The following SDK1 variants were observed in gnomAD, a reference collection of about 807,000 sequenced individuals.
SDK1 encodes the protein protein sidekick-1.
In SDK1, 157 loss-of-function variants were observed where a neutral mutation model predicts 245.5. That is an observed-to-expected ratio of 0.64 (90% CI 0.56 to 0.73). The LOEUF is 0.73. Among genes scored for constraint, SDK1 ranks in the 30% least tolerant of loss-of-function variants. The pLI, the probability that SDK1 is intolerant of heterozygous loss-of-function variation, is 0.00. For synonymous variants in SDK1, 1,647 were observed against 1,278.5 expected (o/e 1.29, Z -6.15); for missense variants, 3,583 against 3,002.3 (o/e 1.19, Z -4.52).
chr7:3,675,711 T>C (rs945649457), intron 4 of SDK1, among the ~76,000 whole-genome samples: 1 of 152,170 alleles, frequency 6.6e-6, no homozygotes, highest in Admixed American at 6.6e-5. Context: ...GGCATTTTTG[T>C]AGAAACTGAG....
At chr7:3,336,476 C>T (rs1170193711) in intron 1 of SDK1, among the ~76,000 whole-genome samples, 1 of 152,134 alleles carries the variant, frequency 6.6e-6, no homozygotes, top group Non-Finnish European at 1.5e-5. Context: ...GTGGTGCTAG[C>T]AGGGGGCTAA....
intron 5 of SDK1, among the ~76,000 whole-genome samples, chr7:3,858,098 C>A (rs1230322169): frequency 6.6e-6 from 1 of 152,032 alleles, no homozygotes; most frequent in African/African-American, 2.4e-5. Context: ...ATGGTTTAAA[C>A]CATAGTATAT....
At chr7:3,397,010 A>C (rs1030146437) in intron 1 of SDK1, among the ~76,000 whole-genome samples, 1 of 151,742 alleles carries the variant, frequency 6.6e-6, no homozygotes, top group African/African-American at 2.4e-5. Context: ...TTCTTTTAGT[A>C]TATATTTTGA....
intron 22 of SDK1, among the ~76,000 whole-genome samples, chr7:4,083,770 C>T (rs1296563064): frequency 4.0e-5 from 3 of 74,718 alleles, no homozygotes; most frequent in African/African-American, 1.1e-4. Flanking sequence ...TCCCTCCCTC[C>T]CTTCTTTCCT....
rs1426322395 is a variant in SDK1, at chr7:3,301,715, C to A, written c.129C>A (p.Arg43=). The A allele has an allele frequency of 2.0e-6, 2 of 976,596 alleles. No homozygotes were observed. The highest frequency in any genetic ancestry group is 2.4e-6 in the Non-Finnish European group (2 of 825,698). The allele number at this position is 976,596 out of a possible 1,614,324, so 60.5% of individuals were successfully genotyped here. A position where few individuals can be genotyped will look rare whatever the true frequency, so the allele number is the denominator to read the frequency against. ...PGRARPSLAP[R]PGPEPSRPRA... The stretch of plus-strand genomic sequence containing the variant: ...GCGCCCGCCCCTCGCTGGCGCCGCG[C>A]CCCGGCCCGGAGCCCTCGCGACCCC... Residue 43 remains arginine, a synonymous_variant, in exon 1 of 45, where the codon CGC becomes CGA. Transcript: ENST00000404826.
chr7:4,266,014 A>G lies in SDK1; in HGVS notation c.*630A>G, dbSNP rs1788447766. ...AGGCAGGGATGCTAAGGTGTGGCTC[A>G]GCCGTCACTGTCTGTGTCACTGCAG... On this transcript the variant is annotated 3_prime_UTR_variant, in exon 45 of 45. Coordinates refer to ENST00000404826, the MANE Select transcript of SDK1 (RefSeq NM_152744.4). 6.1e-6 allele frequency: 6 copies of G among 985,530 alleles called. No individual in the cohort carries two copies. The highest frequency in any genetic ancestry group is 1.1e-4 in the East Asian group (1 of 8,824). The allele number at this position is 985,530 out of a possible 1,614,324, so 61.0% of individuals were successfully genotyped here. A position where few individuals can be genotyped will look rare whatever the true frequency, so the allele number is the denominator to read the frequency against.
chr7:3,801,684 C>T (rs888080619), intron 4 of SDK1, among the ~76,000 whole-genome samples: 1 of 152,172 alleles, frequency 6.6e-6, no homozygotes, highest in African/African-American at 2.4e-5. Context: ...TGTGGCTGCT[C>T]CCAGCTTGCA....
chr7:3,573,362 G>C (rs915094410), intron 1 of SDK1, among the ~76,000 whole-genome samples: 2 of 152,036 alleles, frequency 1.3e-5, no homozygotes, highest in Non-Finnish European at 2.9e-5. Context: ...AGAGCCTCAG[G>C]GGGCTGAGCA....
At chr7:3,633,800 T>C (rs936576261) in intron 2 of SDK1, among the ~76,000 whole-genome samples, 4 of 152,084 alleles carry the variant, frequency 2.6e-5, no homozygotes, top group Admixed American at 2.6e-4. Context: ...TGGATGGATA[T>C]TGGGGTGCCC....
At chr7:3,980,880 G>T (rs1189856291) in intron 13 of SDK1, among the ~76,000 whole-genome samples, 1 of 151,840 alleles carries the variant, frequency 6.6e-6, no homozygotes. Context: ...GGCGGAGGTT[G>T]CAGTGAGCCG....
At chr7:3,706,621 T>C (rs1198621146) in intron 4 of SDK1, among the ~76,000 whole-genome samples, 5 of 152,080 alleles carry the variant, frequency 3.3e-5, no homozygotes, top group East Asian at 1.9e-4. Context: ...CCAGGATGGT[T>C]GCGATCTCCT....
intron 44 of SDK1, among the ~76,000 whole-genome samples, chr7:4,261,124 C>T (rs577834800): frequency 3.9e-5 from 6 of 152,284 alleles, no homozygotes; most frequent in Admixed American, 2.0e-4. Flanking sequence ...CTCCCTGCTA[C>T]GCCTCCATGG....
At chr7:3,326,379 A>C (rs551731428) in intron 1 of SDK1, among the ~76,000 whole-genome samples, 9 of 152,286 alleles carry the variant, frequency 5.9e-5, no homozygotes, top group African/African-American at 2.2e-4. Context: ...TATTATTTTC[A>C]ATGGATGTAT....
chr7:3,825,577 T>A (rs1156394411), intron 5 of SDK1, among the ~76,000 whole-genome samples: 3 of 152,228 alleles, frequency 2.0e-5, no homozygotes. Flanking sequence ...GCAGATAGGA[T>A]ATCATTTCAG....
chr7:3,435,806 C>T (rs1039918543), intron 1 of SDK1, among the ~76,000 whole-genome samples: 3 of 152,130 alleles, frequency 2.0e-5, no homozygotes, highest in Non-Finnish European at 2.9e-5. Flanking sequence ...TCTCTACGTC[C>T]CTCATGCTTT....
chr7:3,444,015 A>T lies in SDK1; in HGVS notation c.298+142131A>T, dbSNP rs944709000. The stretch of plus-strand genomic sequence containing the variant: ...CGGAAGCCTGAGAAGAAGCAAAAGG[A>T]TTCAAGAGAGGCGGTTGTGCAGCCT... On this transcript the variant is annotated intron_variant, in intron 1 of 44. Transcript: ENST00000404826. 2.9e-4 allele frequency among the ~76,000 whole-genome samples: 44 copies of T among 152,226 alleles called. 1 individual carries two copies. The highest frequency in any genetic ancestry group is 2.6e-3 in the Admixed American group (39 of 15,284).
intron 5 of SDK1, among the ~76,000 whole-genome samples, chr7:3,890,296 C>G (rs144156272): frequency 1.6e-4 from 25 of 152,310 alleles, no homozygotes; most frequent in African/African-American, 5.8e-4. Flanking sequence ...GTGGTACAAT[C>G]CAAATTGATA....
At chr7:3,409,152 TCTG>T (rs1023856891) in intron 1 of SDK1, among the ~76,000 whole-genome samples, 3 of 152,232 alleles carry the variant, frequency 2.0e-5, no homozygotes, top group Admixed American at 2.0e-4. Context: ...AACTGACACT[TCTG>T]CTTCAGATTA....
At chr7:3,376,530 G>T (rs1781360278) in intron 1 of SDK1, among the ~76,000 whole-genome samples, 1 of 152,132 alleles carries the variant, frequency 6.6e-6, no homozygotes, top group African/African-American at 2.4e-5. Context: ...ACAGATATTA[G>T]CCAAGAAATA....
Sources: gnomAD v4.1 joint callset for allele counts (sites outside exome capture counted in the v4.1 genomes callset) on GRCh38, gnomAD v4.1.1 for gene constraint, MANE v1.5 for transcripts, NCBI Gene and HGNC (gene_info 2026-07-23, HGNC 2026-07-21) for gene names.